Variants in ATP6V0A4 observed in about 807,000 individuals in gnomAD.
ATP6V0A4 encodes ATPase H+ transporting V0 subunit a4.
A neutral mutation model predicts 107.3 loss-of-function variants in ATP6V0A4; 86 were observed. That is an observed-to-expected ratio of 0.80 (90% confidence interval 0.67 to 0.96). The LOEUF (loss-of-function observed/expected upper bound fraction) is 0.96. Ranked by LOEUF, ATP6V0A4 falls within the 40% of genes least tolerant of loss-of-function variation. The pLI is 0.00. For synonymous variants in ATP6V0A4, 353 were observed against 381.4 expected (o/e 0.93, Z 0.87); for missense variants, 908 against 1,045.6 (o/e 0.87, Z 1.81).
intron 20 of ATP6V0A4, among the ~76,000 whole-genome samples, chr7:138,712,432 A>G (rs1803792695): frequency 6.6e-6 from 1 of 151,868 alleles, no homozygotes; most frequent in Admixed American, 6.6e-5. Context: ...TGAGATTTAG[A>G]GGGTAAGTTG....
At chr7:138,778,648 A>T (rs1807781234) in intron 2 of ATP6V0A4, among the ~76,000 whole-genome samples, 1 of 152,178 alleles carries the variant, frequency 6.6e-6, no homozygotes, top group Admixed American at 6.5e-5. Flanking sequence ...CCAAGAAAGA[A>T]AACTTTCAGA....
intron 1 of ATP6V0A4, among the ~76,000 whole-genome samples, chr7:138,797,110 A>T (rs922956576): frequency 6.7e-6 from 1 of 149,016 alleles, no homozygotes; most frequent in African/African-American, 2.5e-5. Flanking sequence ...TTACCTCTGG[A>T]CCTTTGCTCA....
intron 19 of ATP6V0A4, among the ~76,000 whole-genome samples, chr7:138,716,245 T>C (rs1422812795): frequency 6.6e-6 from 1 of 152,174 alleles, no homozygotes. Context: ...GCTGGGAATA[T>C]CACCTAGTCA....
intron 18 of ATP6V0A4, among the ~76,000 whole-genome samples, chr7:138,726,519 T>G (rs1243393479): frequency 6.6e-6 from 1 of 152,202 alleles, no homozygotes; most frequent in African/African-American, 2.4e-5. Context: ...CAGGCCACAT[T>G]CTGCAGGGAC....
intron 17 of ATP6V0A4, among the ~76,000 whole-genome samples, chr7:138,731,900 A>AT (rs749897203): frequency 4.2e-5 from 6 of 143,086 alleles, no homozygotes; most frequent in African/African-American, 1.4e-4. Flanking sequence ...CTCCAAAAAT[A>AT]AAAATAAATA....
chr7:138,787,481 C>A (rs1048521819), intron 1 of ATP6V0A4, among the ~76,000 whole-genome samples: 2 of 152,074 alleles, frequency 1.3e-5, no homozygotes, highest in African/African-American at 4.8e-5. Flanking sequence ...AACCTAGAGG[C>A]AGCTTGGACA....
At chr7:138,743,287 AC>A (rs1805729452) in intron 14 of ATP6V0A4, among the ~76,000 whole-genome samples, 1 of 151,684 alleles carries the variant, frequency 6.6e-6, no homozygotes, top group South Asian at 2.1e-4. Context: ...GTGAAACCCC[AC>A]CTCTCCTAAA....
intron 8 of ATP6V0A4, among the ~76,000 whole-genome samples, chr7:138,758,739 A>ATTTTTTTTTTTTTTTTTTTTTTTTTT (rs398006555): frequency 1.7e-5 from 1 of 59,176 alleles, no homozygotes; most frequent in Non-Finnish European, 2.9e-5. Context: ...CTGACTCAGA[A>ATTTTTTTTTTTTTTTTTTTTTTTTTT]TTTTTTTTTT....
chr7:138,769,161 A>G lies in ATP6V0A4; in HGVS notation c.196+12T>C. ...TTGAACAGTAAGAAAAAAAAAAAAA[A>G]AATTGGCTTACGGAGGATTCTCTCC... On this transcript the variant is annotated intron_variant, in intron 4 of 21. Transcript: ENST00000310018. 6.4e-7 allele frequency: 1 copy of G among 1,571,556 alleles called. No individual in the cohort carries two copies. The highest frequency in any genetic ancestry group is 8.7e-7 in the Non-Finnish European group (1 of 1,149,414).
At chr7:138,769,151 A>G (rs766492134) in intron 4 of ATP6V0A4, 22 bp downstream of exon 4, 1 of 1,225,664 alleles carries the variant, frequency 8.2e-7, no homozygotes, top group Non-Finnish European at 1.1e-6. Flanking sequence ...CAGTAAGAAA[A>G]AAAAAAAAAA....
intron 12 of ATP6V0A4, among the ~76,000 whole-genome samples, chr7:138,748,939 C>G (rs1035427408): frequency 3.9e-5 from 6 of 152,142 alleles, no homozygotes; most frequent in Non-Finnish European, 1.5e-5. Flanking sequence ...ATTCTTTCAC[C>G]AATCGGCATT....
chr7:138,729,207 C>T (rs1047634397), intron 17 of ATP6V0A4, among the ~76,000 whole-genome samples: 18 of 152,068 alleles, frequency 1.2e-4, no homozygotes, highest in Admixed American at 7.9e-4. Context: ...CCATGGGGGT[C>T]GTTTTCACCT....
intron 14 of ATP6V0A4, among the ~76,000 whole-genome samples, chr7:138,743,340 C>T (rs1042196576): frequency 1.3e-5 from 2 of 151,832 alleles, no homozygotes; most frequent in Admixed American, 1.3e-4. Context: ...TGCCTGTAGT[C>T]CCAGCTACTC....
At chr7:138,713,830 A>G (rs577226236) in intron 20 of ATP6V0A4, among the ~76,000 whole-genome samples, 2 of 151,828 alleles carry the variant, frequency 1.3e-5, no homozygotes, top group Non-Finnish European at 2.9e-5. Flanking sequence ...GCCAGGCACA[A>G]TGGCTCACAC....
intron 14 of ATP6V0A4, among the ~76,000 whole-genome samples, chr7:138,741,969 A>T (rs1805654322): frequency 6.6e-6 from 1 of 152,196 alleles, no homozygotes; most frequent in Non-Finnish European, 1.5e-5. Context: ...AGAGTCTTGA[A>T]TTGGGGAAGA....
At chr7:138,746,826 G>A (rs1246599583) in intron 13 of ATP6V0A4, among the ~76,000 whole-genome samples, 1 of 152,136 alleles carries the variant, frequency 6.6e-6, no homozygotes, top group East Asian at 1.9e-4. Context: ...TTGAACCAAT[G>A]CACCCTCCTG....
intron 17 of ATP6V0A4, among the ~76,000 whole-genome samples, chr7:138,730,797 A>G (rs1238676739): frequency 6.6e-6 from 1 of 152,176 alleles, no homozygotes; most frequent in East Asian, 1.9e-4. Flanking sequence ...TCATGTCAAC[A>G]TTCTGGGGAT....
chr7:138,762,196 A>ATATGGGTC, intron 7 of ATP6V0A4, 144 bp downstream of exon 7: 2 of 1,060,770 alleles, frequency 1.9e-6, no homozygotes, highest in Non-Finnish European at 2.8e-6. Context: ...AGTAAGTTAC[A>ATATGGGTC]TATGGGTCTA....
intron 2 of ATP6V0A4, among the ~76,000 whole-genome samples, chr7:138,780,377 C>T (rs1399524290): frequency 6.6e-6 from 1 of 152,174 alleles, no homozygotes; most frequent in Non-Finnish European, 1.5e-5. Flanking sequence ...GCTGACACGA[C>T]AGGAGGTGGA....
Sources: gnomAD v4.1 joint callset for allele counts (sites outside exome capture counted in the v4.1 genomes callset) on GRCh38, gnomAD v4.1.1 for gene constraint, MANE v1.5 for transcripts, NCBI Gene and HGNC (gene_info 2026-07-23, HGNC 2026-07-21) for gene names.